The following PROZ variants were observed in gnomAD, a reference collection of about 807,000 sequenced individuals.
The protein encoded by PROZ is protein Z, vitamin K dependent plasma glycoprotein, also known as vitamin K-dependent protein Z.
PROZ carries 46 observed loss-of-function variants against 34.9 expected under a neutral mutation model. The observed-to-expected ratio is 1.32, with a 90% CI of 1.04 to 1.69. The LOEUF is 1.69. Ranked by LOEUF, PROZ falls within the 40% of genes most tolerant of loss-of-function variation. The probability of loss-of-function intolerance (pLI) is 0.00; values close to 1 mark genes in which losing one functional copy is unlikely to be tolerated. For missense variants in PROZ, 530 were observed against 520.4 expected (o/e 1.02, Z -0.18); for synonymous variants, 195 against 208.5 (o/e 0.94, Z 0.56).
rs183762960 is a variant in PROZ, at chr13:113,165,066, C to A, written c.519C>A (p.Cys173Ter). 7 of 1,613,342 alleles carry A rather than the reference C, an allele frequency of 4.3e-6. No homozygotes were observed. In the Admixed American group the frequency reaches 8.3e-5, roughly 19 times the overall value. ...KQCVPHDQCA[C>*]GVLTSEKRAP... ...CCGCAAATGCAGACCAGTGTGCCTGCGGGGTGCTGACCTCTGAGAAGCGTG... is the reference window on the plus strand; with the variant it reads ...CCGCAAATGCAGACCAGTGTGCCTGAGGGGTGCTGACCTCTGAGAAGCGTG... Residue 173 changes from cysteine (C) to a stop codon, truncating the protein, a stop_gained, in exon 6 of 8, where the codon TGC (cysteine) becomes TGA (stop). Coordinates refer to ENST00000375547, the MANE Select transcript of PROZ (RefSeq NM_003891.3). LOFTEE classifies it high-confidence loss of function.
In PROZ at chr13:113,172,005, C is replaced by T. The variant is rs751897530; in HGVS notation, c.1103C>T (p.Thr368Met). The T allele has an allele frequency of 2.2e-5, 35 of 1,613,070 alleles. No homozygotes were observed. The highest frequency in any genetic ancestry group is 2.7e-5 in the African/African-American group (2 of 74,920). Reference sequence around the variant, plus strand: ...GAACACAGAGGCTCCTGGTTTCTCACGGGGGTCCTGGGCTCGCAGCCAGTA... The same window carrying T: ...GAACACAGAGGCTCCTGGTTTCTCATGGGGGTCCTGGGCTCGCAGCCAGTA... Reference protein sequence around the residue: ...TREHRGSWFLTGVLGSQPVGG... With the variant: ...TREHRGSWFLMGVLGSQPVGG... The change falls in exon 8 of 8, where the codon ACG becomes ATG. Residue 368 changes from threonine (T) to methionine (M), a missense_variant. Thr to Met is a moderately conservative substitution (Grantham distance 81). Coordinates refer to ENST00000375547, the MANE Select transcript of PROZ (RefSeq NM_003891.3).
Position 113,171,975 on chromosome 13 carries a change from C to A in PROZ, c.1073C>A (p.Thr358Asn), listed in dbSNP as rs2037124504. 1 of 1,613,324 alleles carries A rather than the reference C, an allele frequency of 6.2e-7. No homozygotes were observed. The highest frequency in any genetic ancestry group is 1.3e-5 in the African/African-American group (1 of 74,910). Reference sequence around the variant, plus strand: ...CACTGGATGGATGGAAGTGTGGTCACCAGAGAACACAGAGGCTCCTGGTTT... The same window carrying A: ...CACTGGATGGATGGAAGTGTGGTCAACAGAGAACACAGAGGCTCCTGGTTT... ...AMHWMDGSVV[T>N]REHRGSWFLT... is the part of the protein sequence containing the mutation. The change falls in exon 8 of 8, where the codon ACC becomes AAC. Residue 358 changes from threonine to asparagine, a missense_variant. Thr to Asn is a moderately conservative substitution (Grantham distance 65, BLOSUM62 0). Transcript: ENST00000375547. This position sits in a 1 kb window ranked among gnomAD's most constrained non-coding sequence, Gnocchi z 5.1.
Position 113,163,055 on chromosome 13 carries a change from C to A in PROZ, c.306C>A (p.Cys102Ter). 6.4e-7 allele frequency: 1 copy of A among 1,563,444 alleles called. No homozygotes were observed. Among genetic ancestry groups the A allele is most frequent in the Non-Finnish European group, 8.7e-7 (1 of 1,153,100 alleles). The change falls in exon 4 of 8, where the codon TGC (cysteine) becomes TGA (stop). Residue 102 changes from cysteine to a stop codon, truncating the protein, a stop_gained. Transcript: ENST00000375547. LOFTEE classifies it high-confidence loss of function. ...AGCCCTGCCTCCACAACGGCTCTTG[C>A]CAGGACAGCATCTGGGGCTACACCT... ...ISQPCLHNGS[C>*]QDSIWGYTCT...
Position 113,158,808 on chromosome 13 carries a change from G to A in PROZ, c.70+78G>A. ...CGGTCCATGGTGGATTTGTAGATGAGGCTTTTTCCAGGAGCCAGAGGAGCC... is the reference window on the plus strand; with the variant it reads ...CGGTCCATGGTGGATTTGTAGATGAAGCTTTTTCCAGGAGCCAGAGGAGCC... On this transcript the variant is annotated intron_variant, in intron 1 of 7. Transcript: ENST00000375547. This position sits in a 1 kb window ranked among gnomAD's most constrained non-coding sequence, Gnocchi z 4.3. 7.0e-7 allele frequency: 1 copy of A among 1,437,076 alleles called. No individual in the cohort carries two copies. The highest frequency in any genetic ancestry group is 1.4e-5 in the African/African-American group (1 of 71,046). 89.0% of individuals were successfully genotyped at this position (1,437,076 alleles called of 1,614,324 possible).
At chr13:113,168,044 C>T (rs1324975144) in intron 6 of PROZ, among the ~76,000 whole-genome samples, 1 of 152,222 alleles carries the variant, frequency 6.6e-6, no homozygotes, top group South Asian at 2.1e-4. Context: ...TGAGTCCTTA[C>T]AGCAATCATG....
rs147538030 is a variant in PROZ at position 113,165,411 on chromosome 13, C to A, written c.573+291C>A. On this transcript the variant is annotated intron_variant, in intron 6 of 7. Coordinates refer to ENST00000375547, the MANE Select transcript of PROZ (RefSeq NM_003891.3). Reference sequence around the variant, plus strand: ...ATAAGCATCTCAAAATCTCTGCTCTCGGCTGCTGGCCTGGCATTCTAGCTT... The same window carrying A: ...ATAAGCATCTCAAAATCTCTGCTCTAGGCTGCTGGCCTGGCATTCTAGCTT... Among the ~76,000 whole-genome samples the A allele has an allele frequency of 1.2e-4, 18 of 152,322 alleles. No individual in the cohort carries two copies. In the East Asian group the frequency reaches 3.5e-3, roughly 29 times the overall value.
At chr13:113,165,176 G>A in intron 6 of PROZ, 56 bp downstream of exon 6, 1 of 1,527,626 alleles carries the variant, frequency 6.5e-7, no homozygotes, top group South Asian at 1.1e-5. Flanking sequence ...CACCTCACTT[G>A]TCATTTCCTA....
intron 6 of PROZ, among the ~76,000 whole-genome samples, chr13:113,165,851 A>G (rs1182127993): frequency 2.6e-5 from 4 of 152,182 alleles, no homozygotes; most frequent in Non-Finnish European, 5.9e-5. Flanking sequence ...CTTTCTGTTT[A>G]CTTAATGGTC....
rs373383854 is a variant in PROZ, at chr13:113,163,095, G to A, written c.346G>A (p.Gly116Ser). The A allele has an allele frequency of 6.2e-5, 97 of 1,555,890 alleles. No homozygotes were observed. The highest frequency in any genetic ancestry group is 5.6e-4 in the South Asian group (47 of 84,398). ...IWGYTCTCSP[G>S]YEGSNCELAK... ...GGGCTACACCTGCACCTGCTCCCCC[G>A]GCTATGAGGGCAGCAACTGCGAGCT... Residue 116 changes from glycine to serine, a missense_variant, in exon 4 of 8, where the codon GGC (glycine) becomes AGC (serine). Transcript: ENST00000375547.
At position 113,172,213 on chromosome 13, in the gene PROZ, A is replaced by G; in HGVS notation, c.*108A>G. Reference sequence around the variant, plus strand: ...CTTCATCACACACTGAGAGGCCGTCACAGCCCCAGACCACCCGCTTGGCCC... The same window carrying G: ...CTTCATCACACACTGAGAGGCCGTCGCAGCCCCAGACCACCCGCTTGGCCC... On this transcript the variant is annotated 3_prime_UTR_variant, in exon 8 of 8. Transcript: ENST00000375547. The G allele has an allele frequency of 1.4e-5, 20 of 1,458,596 alleles. No homozygotes were observed. Among genetic ancestry groups the G allele is most frequent in the Non-Finnish European group, 1.9e-5 (20 of 1,072,150 alleles). The allele number at this position is 1,458,596 out of a possible 1,614,324, so 90.4% of individuals were successfully genotyped here.
intron 6 of PROZ, among the ~76,000 whole-genome samples, chr13:113,166,790 G>A (rs1005039811): frequency 6.6e-6 from 1 of 152,202 alleles, no homozygotes; most frequent in Admixed American, 6.5e-5. Flanking sequence ...GAGTGCAGTG[G>A]TCCTCCATAG....
rs754971013 is a variant in PROZ at position 113,159,852 on chromosome 13, C to T, written c.71-162C>T. ...CAGAGGATGAAGTGCTTGCCTACCTCGGGGGAGGGAGTAGCGGGGTGGCCC... is the reference window on the plus strand; with the variant it reads ...CAGAGGATGAAGTGCTTGCCTACCTTGGGGGAGGGAGTAGCGGGGTGGCCC... On this transcript the variant is annotated intron_variant, in intron 1 of 7. Coordinates refer to ENST00000375547, the MANE Select transcript of PROZ (RefSeq NM_003891.3). The surrounding 1 kb of genome is among the most constrained non-coding windows in gnomAD (Gnocchi z 4.6). Among the ~76,000 whole-genome samples, 2 of 152,186 alleles carry T rather than the reference C, an allele frequency of 1.3e-5. No individual in the cohort carries two copies. The highest frequency in any genetic ancestry group is 2.9e-5 in the Non-Finnish European group (2 of 68,038).
At chr13:113,168,872 G>T (rs3024757) in intron 6 of PROZ, among the ~76,000 whole-genome samples, 27,391 of 152,046 alleles carry the variant, frequency 0.18, 3,027 homozygotes, top group South Asian at 0.42. Flanking sequence ...GGGACCATAG[G>T]TGTGCACGAC....
intron 6 of PROZ, among the ~76,000 whole-genome samples, chr13:113,167,860 T>C (rs2036988584): frequency 6.6e-6 from 1 of 152,232 alleles, no homozygotes; most frequent in Non-Finnish European, 1.5e-5. Context: ...TCTTTTCCCC[T>C]TTTTCTGCCT....
rs2036735669 is a variant in PROZ at position 113,160,120 on chromosome 13, T to G, written c.177T>G (p.Tyr59Ter). Residue 59 changes from tyrosine (Y) to a stop codon, truncating the protein, a stop_gained, in exon 2 of 8, where the codon TAT (tyrosine) becomes TAG (stop). Transcript: ENST00000375547. LOFTEE classifies it high-confidence loss of function. ...AGGGAAACTTGGAAAAAGAATGTTA[T>G]GAAGAAATCTGTGTCTATGAAGAAG... The part of the protein sequence containing the change: ...LFEGNLEKEC[Y>*]EEICVYEEAR... The G allele has an allele frequency of 6.2e-7, 1 of 1,614,048 alleles. No homozygotes were observed. Among genetic ancestry groups the G allele is most frequent in the African/African-American group, 1.3e-5 (1 of 74,936 alleles).
chr13:113,164,679 A>G, intron 5 of PROZ, 35 bp downstream of exon 5: 1 of 1,611,914 alleles, frequency 6.2e-7, no homozygotes, highest in Non-Finnish European at 8.5e-7. Flanking sequence ...TCCAGCTTCC[A>G]ATGCCAGCGA....
chr13:113,170,530 T>A lies in PROZ; in HGVS notation c.691T>A (p.Tyr231Asn). 1 of 1,522,628 alleles carries A rather than the reference T, an allele frequency of 6.6e-7. No individual in the cohort carries two copies. Among genetic ancestry groups the A allele is most frequent in the Non-Finnish European group, 9.1e-7 (1 of 1,097,126 alleles). The allele number at this position is 1,522,628 out of a possible 1,614,324, so 94.3% of individuals were successfully genotyped here. Residue 231 changes from tyrosine to asparagine, a missense_variant and splice_region_variant, in exon 7 of 8, where the codon TAT (tyrosine) becomes AAT (asparagine). Transcript: ENST00000375547. The part of the protein sequence containing the change: ...LLHRNITVKT[Y>N]FNRTSQDPLM... The stretch of plus-strand genomic sequence containing the variant: ...ACACAGGAATATTACTGTAAAAACA[T>A]GTAAGTATTTTATCATGAGTTTTTA...
rs756742301 is a variant in PROZ, at chr13:113,164,636, T to C, written c.497T>C (p.Val166Ala). ...CTTGGTGAGGACCACAAACAGTGTG[T>C]GCCCCACGGTGAGTGCTCAGACCAC... ...YRLGEDHKQC[V>A]PHDQCACGVL... Residue 166 changes from valine to alanine, a missense_variant, in exon 5 of 8, where the codon GTG becomes GCG. Physicochemically the swap from Val to Ala is moderately conservative, Grantham distance 64. Transcript: ENST00000375547. The C allele has an allele frequency of 6.2e-7, 1 of 1,613,682 alleles. No homozygotes were observed. Among genetic ancestry groups the C allele is most frequent in the South Asian group, 1.1e-5 (1 of 91,062 alleles).
chr13:113,164,909 A>G (rs1172958931), intron 5 of PROZ, 144 bp from the exon 6 acceptor site: 2 of 965,712 alleles, frequency 2.1e-6, no homozygotes, highest in Non-Finnish European at 3.2e-6. Flanking sequence ...TCTGTGAATT[A>G]CTGCACATTC....
Sources: gnomAD v4.1 joint callset for allele counts (sites outside exome capture counted in the v4.1 genomes callset) on GRCh38, gnomAD v4.1.1 for gene constraint, Gnocchi (gnomAD v3.1) non-coding constraint, MANE v1.5 for transcripts, NCBI Gene and HGNC (gene_info 2026-07-23, HGNC 2026-07-21) for gene names.